PTPN20: variants seen among roughly 807,000 people sequenced by gnomAD.
The protein encoded by PTPN20 is protein tyrosine phosphatase non-receptor type 20.
Under a neutral mutation model 35.0 loss-of-function variants are expected in PTPN20, and 9 were observed. The ratio of observed to expected loss-of-function variants is 0.26; its 90% CI spans 0.15 to 0.45. The LOEUF is 0.45. Among genes scored for constraint, PTPN20 ranks in the 20% least tolerant of loss-of-function variants. The probability of loss-of-function intolerance (pLI) is 1.00; values close to 1 mark genes in which losing one functional copy is unlikely to be tolerated. For missense variants in PTPN20, 111 were observed against 312.5 expected (o/e 0.36, Z 4.86); for synonymous variants, 32 against 100.2 (o/e 0.32, Z 4.06).
chr10:46,977,234 C>G (rs1365272748), intron 7 of PTPN20, among the ~76,000 whole-genome samples: 1 of 152,308 alleles, frequency 6.6e-6, no homozygotes, highest in Non-Finnish European at 1.5e-5. Flanking sequence ...ACAATGTCAA[C>G]TTTTCCCTGG....
At chr10:46,997,210 A>G (rs2059269987) in intron 9 of PTPN20, among the ~76,000 whole-genome samples, 1 of 151,772 alleles carries the variant, frequency 6.6e-6, no homozygotes, top group Non-Finnish European at 1.5e-5. Flanking sequence ...TACCCTATTC[A>G]TTTTCTTTGG....
intron 2 of PTPN20, among the ~76,000 whole-genome samples, chr10:46,940,165 G>A (rs1408628201): frequency 2.7e-5 from 4 of 148,642 alleles, no homozygotes; most frequent in African/African-American, 1.0e-4. Flanking sequence ...ACAATTTTCT[G>A]TATAATTTAA....
At chr10:46,960,630 T>C (rs1555157306) in intron 5 of PTPN20, among the ~76,000 whole-genome samples, 1 of 151,982 alleles carries the variant, frequency 6.6e-6, no homozygotes, top group Non-Finnish European at 1.5e-5. Context: ...TTTTAACATA[T>C]GTTATATCTC....
At chr10:46,959,705 C>A (rs1360093432) in intron 5 of PTPN20, among the ~76,000 whole-genome samples, 24 of 123,552 alleles carry the variant, frequency 1.9e-4, no homozygotes, top group African/African-American at 7.5e-4. Flanking sequence ...TTATATTTAA[C>A]ATCCTAAACT....
chr10:46,981,333 G>A (rs1284584005), intron 7 of PTPN20: 1 of 144,736 alleles, frequency 6.9e-6, no homozygotes, highest in Non-Finnish European at 1.5e-5. Context: ...GAACAAAGTG[G>A]CCATAATGGC....
intron 2 of PTPN20, among the ~76,000 whole-genome samples, chr10:46,937,932 C>T (rs1408520534): frequency 7.6e-6 from 1 of 131,704 alleles, no homozygotes; most frequent in African/African-American, 3.0e-5. Context: ...TTTTTTTCTT[C>T]TTTTTTCTTT....
chr10:46,997,366 T>A (rs1274927284), intron 9 of PTPN20, among the ~76,000 whole-genome samples: 4 of 141,616 alleles, frequency 2.8e-5, no homozygotes, highest in Admixed American at 7.1e-5. Flanking sequence ...GTTTTGTAGG[T>A]TTTTTTTTTT....
At chr10:47,003,332 G>A (rs2060135320), downstream of PTPN20, among the ~76,000 whole-genome samples, 1 of 152,060 alleles carries the variant, frequency 6.6e-6, no homozygotes, top group Non-Finnish European at 1.5e-5. Flanking sequence ...CCTCCTGTTA[G>A]CACAGTAGCT....
chr10:46,924,733 AT>A (rs2036596852), intron 1 of PTPN20, among the ~76,000 whole-genome samples: 1 of 101,978 alleles, frequency 9.8e-6, no homozygotes, highest in Non-Finnish European at 1.9e-5. Context: ...TTTTGTAGAT[AT>A]TTTTTATCAA....
intron 5 of PTPN20, among the ~76,000 whole-genome samples, chr10:46,953,624 T>C (rs1296149623): frequency 1.5e-5 from 2 of 135,652 alleles, no homozygotes; most frequent in Non-Finnish European, 3.0e-5. Context: ...GAATGGACTC[T>C]TACTTTTGTT....
intron 2 of PTPN20, among the ~76,000 whole-genome samples, chr10:46,940,073 A>T (rs1423954805): frequency 6.6e-6 from 1 of 151,764 alleles, no homozygotes; most frequent in Non-Finnish European, 1.5e-5. Flanking sequence ...AGTAAAATTA[A>T]CACAGTAATT....
intron 1 of PTPN20, among the ~76,000 whole-genome samples, chr10:46,928,448 G>A (rs2038431138): frequency 6.6e-6 from 1 of 152,080 alleles, no homozygotes; most frequent in Non-Finnish European, 1.5e-5. Context: ...AAGTAAAGAT[G>A]GTTTTCCTTC....
At chr10:46,944,692 A>C (rs2044182278) in intron 4 of PTPN20, among the ~76,000 whole-genome samples, 1 of 136,354 alleles carries the variant, frequency 7.3e-6, no homozygotes, top group Non-Finnish European at 1.5e-5. Context: ...TATATGTACA[A>C]TTTTCAGAAG....
chr10:46,941,129 A>G (rs1183759258), intron 3 of PTPN20, among the ~76,000 whole-genome samples: 1 of 151,106 alleles, frequency 6.6e-6, no homozygotes, highest in Non-Finnish European at 1.5e-5. Flanking sequence ...ACATTACCCC[A>G]TTTGTGGAGA....
chr10:46,933,529 C>G (rs1254965769), intron 2 of PTPN20, among the ~76,000 whole-genome samples: 4 of 142,598 alleles, frequency 2.8e-5, no homozygotes, highest in Non-Finnish European at 6.1e-5. Context: ...TGGATTCCAT[C>G]TGTAAGTCAG....
chr10:46,934,325 T>TGTAAGA (rs1476345563), intron 2 of PTPN20, among the ~76,000 whole-genome samples: 3 of 141,910 alleles, frequency 2.1e-5, no homozygotes, highest in South Asian at 4.7e-4. Flanking sequence ...TTCAGGTTTT[T>TGTAAGA]GCATTTGTAA....
At position 47,001,493 on chromosome 10, in the gene PTPN20, ATTAC is replaced by A. The variant is rs2060030403; in HGVS notation, c.*756_*759del. The A allele has an allele frequency of 2.0e-5, 3 of 152,102 alleles. No individual in the cohort carries two copies. The highest frequency in any genetic ancestry group is 2.0e-4 in the Admixed American group (3 of 15,266). 9.4% of individuals were successfully genotyped at this position (152,102 alleles called of 1,614,324 possible). A position where few individuals can be genotyped will look rare whatever the true frequency, so the allele number is the denominator to read the frequency against. Reference sequence around the variant, plus strand: ...CCTATCCCACCCTAACACTTAACATATTACTTAGTCTGCTTTGTTAAAAGCAAGT... The same window carrying A: ...CCTATCCCACCCTAACACTTAACATATTAGTCTGCTTTGTTAAAAGCAAGT... On this transcript the variant is annotated 3_prime_UTR_variant, in exon 11 of 11. Transcript: ENST00000374339.
downstream of PTPN20, among the ~76,000 whole-genome samples, chr10:47,002,716 A>G (rs1051721883): frequency 2.6e-5 from 4 of 152,034 alleles, no homozygotes; most frequent in East Asian, 7.7e-4. Context: ...TTAAATACAT[A>G]TTTTTAAAGT....
chr10:46,993,963 CT>C (rs1317874423), intron 9 of PTPN20, among the ~76,000 whole-genome samples: 2 of 152,144 alleles, frequency 1.3e-5, no homozygotes, highest in Non-Finnish European at 2.9e-5. Context: ...GAAGAACTCG[CT>C]TTAGCATTTC....
Sources: gnomAD v4.1 joint callset for allele counts (sites outside exome capture counted in the v4.1 genomes callset) on GRCh38, gnomAD v4.1.1 for gene constraint, MANE v1.5 for transcripts, NCBI Gene and HGNC (gene_info 2026-07-23, HGNC 2026-07-21) for gene names.